KIF13A: variants seen among roughly 807,000 people sequenced by gnomAD.
The protein encoded by KIF13A is kinesin family member 13A.
In KIF13A, 79 loss-of-function variants were observed where a neutral mutation model predicts 212.2. The ratio of observed to expected loss-of-function variants is 0.37; its 90% CI spans 0.31 to 0.45. The LOEUF is 0.45. Ranked by LOEUF, KIF13A falls within the 20% of genes least tolerant of loss-of-function variation. The pLI is 1.00. For missense variants in KIF13A, 1,901 were observed against 2,209.0 expected (o/e 0.86, Z 2.79); for synonymous variants, 789 against 808.6 (o/e 0.98, Z 0.41).
chr6:17,925,305 T>C (rs1430910064), intron 2 of KIF13A, among the ~76,000 whole-genome samples: 2 of 152,214 alleles, frequency 1.3e-5, no homozygotes, highest in Non-Finnish European at 2.9e-5. Flanking sequence ...GAACAAAGTT[T>C]TTCGCTTGAG....
intron 30 of KIF13A, 126 bp from the exon 31 acceptor site, chr6:17,781,032 CT>C: frequency 1.5e-6 from 2 of 1,359,414 alleles, no homozygotes; most frequent in African/African-American, 1.5e-5. Context: ...CTTTCCTCAC[CT>C]TTTTTAAACA....
chr6:17,890,475 A>C (rs1261649456), intron 3 of KIF13A, among the ~76,000 whole-genome samples: 1 of 152,040 alleles, frequency 6.6e-6, no homozygotes, highest in Non-Finnish European at 1.5e-5. Flanking sequence ...GACTGAGGAC[A>C]CTTCCCTGTA....
rs1761073606 is a variant in KIF13A, at chr6:17,786,568, C to G, written c.3362-927G>C. On this transcript the variant is annotated intron_variant, in intron 27 of 38. Transcript: ENST00000259711. This position sits in a 1 kb window ranked among gnomAD's most constrained non-coding sequence, Gnocchi z 5.4. Reference sequence around the variant, plus strand: ...TGGGCCAAGATCATGCCACTGCACTCCAGCCTGGGCGACAGAGGGAGACTC... The same window carrying G: ...TGGGCCAAGATCATGCCACTGCACTGCAGCCTGGGCGACAGAGGGAGACTC... Among the ~76,000 whole-genome samples the G allele has an allele frequency of 6.6e-6, 1 of 151,822 alleles. No individual in the cohort carries two copies. The highest frequency in any genetic ancestry group is 2.4e-5 in the African/African-American group (1 of 41,316).
At chr6:17,880,824 T>A (rs2150449974) in intron 3 of KIF13A, among the ~76,000 whole-genome samples, 1 of 152,092 alleles carries the variant, frequency 6.6e-6, no homozygotes, top group Middle Eastern at 3.4e-3. Context: ...CTTGCAACAT[T>A]GCCCAAGTTA....
Position 17,849,556 on chromosome 6 carries a change from A to G in KIF13A, c.718-67T>C. The G allele has an allele frequency of 2.7e-6, 3 of 1,110,642 alleles. No homozygotes were observed. Among genetic ancestry groups the G allele is most frequent in the Non-Finnish European group, 4.0e-6 (3 of 750,994 alleles). 68.8% of individuals were successfully genotyped at this position (1,110,642 alleles called of 1,614,324 possible). On this transcript the variant is annotated intron_variant, in intron 8 of 38. Coordinates refer to ENST00000259711, the MANE Select transcript of KIF13A (RefSeq NM_022113.6). The surrounding 1 kb of genome is among the most constrained non-coding windows in gnomAD (Gnocchi z 5.7). ...AAAAACCACATGGATATCTACATAT[A>G]TGTTAGCACTATAATTGAGCAATCC...
chr6:17,790,458 T>C (rs1581930596), intron 25 of KIF13A, among the ~76,000 whole-genome samples: 1 of 152,232 alleles, frequency 6.6e-6, no homozygotes, highest in African/African-American at 2.4e-5. Flanking sequence ...GGAACCAACA[T>C]AATTGGGCCA....
chr6:17,836,171 T>C (rs1487879203), intron 11 of KIF13A, among the ~76,000 whole-genome samples: 3 of 152,260 alleles, frequency 2.0e-5, no homozygotes, highest in Non-Finnish European at 4.4e-5. Context: ...ATTTTGTTTC[T>C]TGTCAGGGCC....
chr6:17,896,772 T>C (rs1258794378), intron 3 of KIF13A, among the ~76,000 whole-genome samples: 1 of 152,214 alleles, frequency 6.6e-6, no homozygotes, highest in African/African-American at 2.4e-5. Flanking sequence ...TTTGTGTCTC[T>C]TTTTCATTTC....
At chr6:17,944,144 T>C (rs1777181403) in intron 2 of KIF13A, among the ~76,000 whole-genome samples, 1 of 152,200 alleles carries the variant, frequency 6.6e-6, no homozygotes. Context: ...AGATCTGACA[T>C]GTGAGCCTTA....
chr6:17,783,640 A>G lies in KIF13A; in HGVS notation c.3544+6T>C, dbSNP rs886145708. On this transcript the variant is annotated splice_donor_region_variant and intron_variant, in intron 29 of 38. Transcript: ENST00000259711. The surrounding 1 kb of genome is among the most constrained non-coding windows in gnomAD (Gnocchi z 4.3). Reference sequence around the variant, plus strand: ...ATAATCCCTGTGACTTTAAGTGTCTACTTACCATTCAAATCGAGGAAGAGA... The same window carrying G: ...ATAATCCCTGTGACTTTAAGTGTCTGCTTACCATTCAAATCGAGGAAGAGA... 21 of 1,555,038 alleles carry G rather than the reference A, an allele frequency of 1.4e-5. No homozygotes were observed. The highest frequency in any genetic ancestry group is 1.7e-5 in the Non-Finnish European group (19 of 1,139,014).
At chr6:17,909,123 C>T (rs1773794718) in intron 2 of KIF13A, among the ~76,000 whole-genome samples, 1 of 152,180 alleles carries the variant, frequency 6.6e-6, no homozygotes, top group African/African-American at 2.4e-5. Flanking sequence ...ACAAATAGTC[C>T]TCCTCAATTA....
rs192133963 is a variant in KIF13A at position 17,787,857 on chromosome 6, C to G, written c.3280G>C (p.Val1094Leu). Reference sequence around the variant, plus strand: ...AGTGCATCTGACCACCTCTCCCTTACGCAGTTTAAGTCTTCTTCCTAACAT... The same window carrying G: ...AGTGCATCTGACCACCTCTCCCTTAGGCAGTTTAAGTCTTCTTCCTAACAT... Reference protein sequence around the residue: ...DSYQEEDLNCVRERWSDALIK... With the variant: ...DSYQEEDLNCLRERWSDALIK... Residue 1094 changes from valine (V) to leucine (L), a missense_variant, in exon 27 of 39, where the codon GTA (valine) becomes CTA (leucine). Physicochemically the swap from Val to Leu is conservative, Grantham distance 32. This residue lies in a region of KIF13A where 168 missense variants were observed against 250.9 expected (regional missense o/e 0.67). Coordinates refer to ENST00000259711, the MANE Select transcript of KIF13A (RefSeq NM_022113.6). This position sits in a 1 kb window ranked among gnomAD's most constrained non-coding sequence, Gnocchi z 4.6. The G allele has an allele frequency of 1.2e-3, 1,909 of 1,609,924 alleles. 21 individuals are homozygous for G. The African/African-American group carries it at 0.019, about 16-fold the overall frequency.
At position 17,789,551 on chromosome 6, in the gene KIF13A, G is replaced by A. The variant is rs1302145027; in HGVS notation, c.3261+321C>T. Among the ~76,000 whole-genome samples, 3 of 151,946 alleles carry A rather than the reference G, an allele frequency of 2.0e-5. No individual in the cohort carries two copies. The East Asian group carries it at 5.8e-4, about 29-fold the overall frequency. ...AATTAATTAGTTAATTAATTTGCAG[G>A]AGACAGGAGTTTTATTATTACTCAA... On this transcript the variant is annotated intron_variant, in intron 26 of 38. Coordinates refer to ENST00000259711, the MANE Select transcript of KIF13A (RefSeq NM_022113.6). This position sits in a 1 kb window ranked among gnomAD's most constrained non-coding sequence, Gnocchi z 4.8.
intron 4 of KIF13A, among the ~76,000 whole-genome samples, chr6:17,868,280 T>C (rs1361065634): frequency 1.3e-5 from 2 of 152,206 alleles, no homozygotes; most frequent in African/African-American, 2.4e-5. Flanking sequence ...CCAAAGTTAC[T>C]GGAAGTCACT....
In KIF13A at chr6:17,922,455, C is replaced by T. The variant is rs1417927216; in HGVS notation, c.147-24275G>A. The stretch of plus-strand genomic sequence containing the variant: ...TGGAAGGACATTAACCACAGTTTCA[C>T]ACATCAATGTGGATGAATCTGAAAA... On this transcript the variant is annotated intron_variant, in intron 2 of 38. Transcript: ENST00000259711. 2.6e-5 allele frequency among the ~76,000 whole-genome samples: 4 copies of T among 152,048 alleles called. No homozygotes were observed. In the East Asian group the frequency reaches 7.7e-4, roughly 29 times the overall value.
Position 17,987,619 on chromosome 6 carries a change from T to G in KIF13A, c.-156A>C, listed in dbSNP as rs1479180482. The G allele has an allele frequency of 4.6e-6, 1 of 215,952 alleles. No homozygotes were observed. Among genetic ancestry groups the G allele is most frequent in the Non-Finnish European group, 7.6e-6 (1 of 131,590 alleles). The allele number at this position is 215,952 out of a possible 1,614,324, so 13.4% of individuals were successfully genotyped here. Reference sequence around the variant, plus strand: ...AGGCAGCGCCGAGGCGCGCGGGCCATCCCGGGGGAGCGCGACGCGGGGCAC... The same window carrying G: ...AGGCAGCGCCGAGGCGCGCGGGCCAGCCCGGGGGAGCGCGACGCGGGGCAC... On this transcript the variant is annotated 5_prime_UTR_variant, in exon 1 of 39. An upstream start codon of the reference 5' UTR is lost. Transcript: ENST00000259711. The surrounding 1 kb of genome is among the most constrained non-coding windows in gnomAD (Gnocchi z 7.7).
At chr6:17,952,105 C>T (rs1451133267) in intron 2 of KIF13A, among the ~76,000 whole-genome samples, 2 of 151,644 alleles carry the variant, frequency 1.3e-5, no homozygotes, top group African/African-American at 4.8e-5. Flanking sequence ...AGATGGAGAC[C>T]ATGCTGGTTA....
chr6:17,894,752 CATA>C (rs1393974133), intron 3 of KIF13A, among the ~76,000 whole-genome samples: 1 of 152,146 alleles, frequency 6.6e-6, no homozygotes, highest in African/African-American at 2.4e-5. Flanking sequence ...TTGACAAATG[CATA>C]ATGTCATATA....
In KIF13A at chr6:17,838,890, G is replaced by A. The variant is rs1766241179; in HGVS notation, c.831-1307C>T. Among the ~76,000 whole-genome samples, 1 of 152,020 alleles carries A rather than the reference G, an allele frequency of 6.6e-6. No homozygotes were observed. On this transcript the variant is annotated intron_variant, in intron 9 of 38. Transcript: ENST00000259711. The surrounding 1 kb of genome is among the most constrained non-coding windows in gnomAD (Gnocchi z 4.2). The stretch of plus-strand genomic sequence containing the variant: ...AGTTCAGTGGCATGATATGATTTTG[G>A]CTCAATGCAACCTCCACCTCCCAGG...
Sources: allele counts gnomAD v4.1 joint callset (sites outside exome capture counted in the v4.1 genomes callset), GRCh38; gene constraint gnomAD v4.1.1; regional missense constraint gnomAD v4.1.1; non-coding constraint Gnocchi (gnomAD v3.1); transcripts MANE v1.5; gene names NCBI Gene and HGNC (gene_info 2026-07-23, HGNC 2026-07-21).